PDCD4: variants seen among roughly 807,000 people sequenced by gnomAD.
PDCD4 encodes the protein programmed cell death protein 4.
PDCD4 carries 56 observed loss-of-function variants against 54.0 expected under a neutral mutation model. That is an observed-to-expected ratio of 1.04 (90% CI 0.84 to 1.30). The LOEUF (loss-of-function observed/expected upper bound fraction) is 1.30, where lower values mean the gene tolerates loss of function less well. PDCD4 is among the 50% of genes most tolerant of loss of function. PDCD4 has a pLI of 0.00. For missense variants in PDCD4, 584 were observed against 559.8 expected, an observed-to-expected ratio of 1.04 and a Z score of -0.44; for synonymous variants, 186 against 194.8, an observed-to-expected ratio of 0.95 and a Z score of 0.37.
chr10:110,897,911 G>GA, intron 11 of PDCD4, 117 bp from the exon 12 acceptor site: 1 of 541,008 alleles, frequency 1.8e-6, no homozygotes, highest in Non-Finnish European at 3.1e-6. Flanking sequence ...TTTTTTAATG[G>GA]AAAACCCTTT....
chr10:110,880,786 T>C (rs1845578498), intron 2 of PDCD4, among the ~76,000 whole-genome samples: 1 of 152,336 alleles, frequency 6.6e-6, no homozygotes, highest in African/African-American at 2.4e-5. Context: ...ATAGAGTGTC[T>C]AGCACAGTGC....
At chr10:110,886,280 A>C (rs1845668433) in intron 5 of PDCD4, among the ~76,000 whole-genome samples, 1 of 152,300 alleles carries the variant, frequency 6.6e-6, no homozygotes, top group Non-Finnish European at 1.5e-5. Flanking sequence ...GATCAATTGT[A>C]TACTATGTAT....
intron 2 of PDCD4, 21 bp from the exon 3 acceptor site, chr10:110,881,212 T>C: frequency 6.4e-7 from 1 of 1,573,436 alleles, no homozygotes; most frequent in Non-Finnish European, 8.7e-7. Flanking sequence ...TAGAATTTTT[T>C]TCTTCATTTT....
intron 1 of PDCD4, among the ~76,000 whole-genome samples, chr10:110,872,699 TTCG>T (rs1468094745): frequency 6.6e-6 from 1 of 152,326 alleles, no homozygotes; most frequent in South Asian, 2.1e-4. Context: ...CTGCGCGAAC[TTCG>T]TCGCGCCCGT....
rs1173257949 is a variant in PDCD4 at position 110,873,556 on chromosome 10, G to A, written c.-63+1538G>A. 4.6e-5 allele frequency among the ~76,000 whole-genome samples: 7 copies of A among 152,298 alleles called. No individual in the cohort carries two copies. In the East Asian group the frequency reaches 1.3e-3, roughly 29 times the overall value. On this transcript the variant is annotated intron_variant, in intron 1 of 11. Coordinates refer to ENST00000280154, the MANE Select transcript of PDCD4 (RefSeq NM_014456.5). ...GAGAAAAGAACAGTGTTTAATGTCA[G>A]CCTTCATTTTCTTCTAACTTGTATG...
intron 2 of PDCD4, among the ~76,000 whole-genome samples, chr10:110,876,952 A>G (rs573757745): frequency 3.3e-5 from 5 of 152,290 alleles, no homozygotes; most frequent in African/African-American, 9.6e-5. Flanking sequence ...TAAATACTAC[A>G]TCTTTCTTTC....
intron 3 of PDCD4, 44 bp downstream of exon 3, chr10:110,881,579 A>G: frequency 6.6e-7 from 1 of 1,520,004 alleles, no homozygotes; most frequent in Non-Finnish European, 8.9e-7. Context: ...AAACAAGTGG[A>G]AAAAAATTGT....
At chr10:110,883,648 C>T (rs952102173) in intron 4 of PDCD4, among the ~76,000 whole-genome samples, 2 of 151,914 alleles carry the variant, frequency 1.3e-5, no homozygotes, top group African/African-American at 4.8e-5. Flanking sequence ...TGTTTAATTC[C>T]ATTTACTCTC....
chr10:110,873,745 T>C (rs1845459231), intron 1 of PDCD4, among the ~76,000 whole-genome samples: 1 of 152,228 alleles, frequency 6.6e-6, no homozygotes, highest in Non-Finnish European at 1.5e-5. Context: ...ACATGTCTTA[T>C]CTAAACTCTT....
rs41292604 is a variant in PDCD4, at chr10:110,894,511, C to A, written c.1198C>A (p.Gln400Lys). 5.1e-6 allele frequency: 7 copies of A among 1,386,022 alleles called. No individual in the cohort carries two copies. The highest frequency in any genetic ancestry group is 6.1e-6 in the Non-Finnish European group (6 of 978,252). The allele number at this position is 1,386,022 out of a possible 1,614,324, so 85.9% of individuals were successfully genotyped here. The change falls in exon 10 of 12, where the codon CAA becomes AAA. Residue 400 changes from glutamine to lysine, a missense_variant. Coordinates refer to ENST00000280154, the MANE Select transcript of PDCD4 (RefSeq NM_014456.5). ...GAAGTCTTCTACCATTACTGTAGAC[C>A]AAATGAAAAGAGTAAGTATAACATT... ...LWKSSTITVD[Q>K]MKRGYERIYN...
Position 110,882,118 on chromosome 10 carries a change from G to A in PDCD4, c.346+583G>A, listed in dbSNP as rs959794533. On this transcript the variant is annotated intron_variant, in intron 3 of 11. Transcript: ENST00000280154. ...GATTTCATCACCTTCTGAATGGTGG[G>A]AACTTCAATTTATAGCCTAGGTTTC... Among the ~76,000 whole-genome samples the A allele has an allele frequency of 7.2e-5, 11 of 152,156 alleles. 1 individual carries two copies. The highest frequency in any genetic ancestry group is 6.5e-4 in the Admixed American group (10 of 15,276).
intron 1 of PDCD4, among the ~76,000 whole-genome samples, chr10:110,872,531 C>T (rs896751615): frequency 6.6e-6 from 1 of 152,204 alleles, no homozygotes; most frequent in South Asian, 2.1e-4. Context: ...CGGCCTCGGC[C>T]CCGGCCCAGC....
intron 8 of PDCD4, among the ~76,000 whole-genome samples, chr10:110,891,617 A>G (rs1845758448): frequency 6.6e-6 from 1 of 152,082 alleles, no homozygotes; most frequent in Non-Finnish European, 1.5e-5. Context: ...TAATCTTTTC[A>G]TGTAACTACA....
In PDCD4 at chr10:110,894,216, T is replaced by G; in HGVS notation, c.1098+18T>G. On this transcript the variant is annotated intron_variant, in intron 9 of 11. Coordinates refer to ENST00000280154, the MANE Select transcript of PDCD4 (RefSeq NM_014456.5). ...TATATGAAGTAAGATTACCTTGCCA[T>G]GTCAAAGATAATTATTAAGTGTTCC... 7.4e-7 allele frequency: 1 copy of G among 1,342,448 alleles called. No individual in the cohort carries two copies. The highest frequency in any genetic ancestry group is 1.1e-6 in the Non-Finnish European group (1 of 932,954). The allele number at this position is 1,342,448 out of a possible 1,614,324, so 83.2% of individuals were successfully genotyped here. A position where few individuals can be genotyped will look rare whatever the true frequency, so the allele number is the denominator to read the frequency against.
chr10:110,887,682 A>G lies in PDCD4; in HGVS notation c.573A>G (p.Leu191=), dbSNP rs1396521321. The stretch of plus-strand genomic sequence containing the variant: ...TTGAACAGGAAATGTTAAGAGATTT[A>G]AATCTTGGTGAAATGAAAAGTGGAG... ...TNEVAEMLRD[L]NLGEMKSGVP... is the part of the protein sequence containing the mutation. Residue 191 remains leucine (L), a synonymous_variant, in exon 6 of 12, where the codon TTA becomes TTG. Transcript: ENST00000280154. 3 of 1,610,490 alleles carry G rather than the reference A, an allele frequency of 1.9e-6. No homozygotes were observed. Among genetic ancestry groups the G allele is most frequent in the Non-Finnish European group, 2.5e-6 (3 of 1,177,030 alleles).
rs146211346 is a variant in PDCD4, at chr10:110,898,357, T to G, written c.*269T>G. On this transcript the variant is annotated 3_prime_UTR_variant, in exon 12 of 12. Transcript: ENST00000280154. ...AAGCTACCTTTTGTAAGTGCCATGT[T>G]TATTATCTAATCATTCCAAGTTTTG... 448 of 267,746 alleles carry G rather than the reference T, an allele frequency of 1.7e-3. 1 individual carries two copies. The highest frequency in any genetic ancestry group is 6.5e-3 in the Middle Eastern group (6 of 930). The allele number at this position is 267,746 out of a possible 1,614,324, so 16.6% of individuals were successfully genotyped here.
rs1022370581 is a variant in PDCD4 at position 110,881,423 on chromosome 10, C to G, written c.234C>G (p.Ser78Arg). ...SRDSGRGDSV[S>R]DSGSDALRSG... is the part of the protein sequence containing the mutation. The stretch of plus-strand genomic sequence containing the variant: ...ACTCTGGCAGAGGCGATTCGGTCAG[C>G]GACAGTGGGAGTGACGCCCTTAGAA... Residue 78 changes from serine to arginine, a missense_variant, in exon 3 of 12, where the codon AGC becomes AGG. By Grantham distance (110) the Ser-to-Arg change is moderately radical (BLOSUM62 -1). Transcript: ENST00000280154. 1 of 1,614,158 alleles carries G rather than the reference C, an allele frequency of 6.2e-7. No homozygotes were observed. Among genetic ancestry groups the G allele is most frequent in the East Asian group, 2.2e-5 (1 of 44,880 alleles).
chr10:110,894,160 C>G lies in PDCD4; in HGVS notation c.1060C>G (p.Leu354Val). 4 of 1,605,716 alleles carry G rather than the reference C, an allele frequency of 2.5e-6. No individual in the cohort carries two copies. Among genetic ancestry groups the G allele is most frequent in the Non-Finnish European group, 3.4e-6 (4 of 1,172,642 alleles). Residue 354 changes from leucine (L) to valine (V), a missense_variant, in exon 9 of 12, where the codon CTG (leucine) becomes GTG (valine). Leu to Val is a conservative substitution (Grantham distance 32). Coordinates refer to ENST00000280154, the MANE Select transcript of PDCD4 (RefSeq NM_014456.5). ...ISEAEHCLKE[L>V]EVPHFHHELV... is the part of the protein sequence containing the mutation. ...TGAAGCTGAACATTGCCTTAAGGAA[C>G]TGGAAGTACCTCATTTTCACCATGA...
chr10:110,881,367 A>G lies in PDCD4; in HGVS notation c.178A>G (p.Lys60Glu). ...INEARINAKAKRRLRKNSSRD... is the reference protein window; with the variant it reads ...INEARINAKAERRLRKNSSRD... ...CGAAGCTAGAATTAATGCCAAGGCA[A>G]AAAGGCGACTAAGGAAAAACTCATC... is the stretch of plus-strand genomic sequence containing the variant. Residue 60 changes from lysine to glutamate, a missense_variant, in exon 3 of 12, where the codon AAA becomes GAA. Physicochemically the swap from Lys to Glu is moderately conservative, Grantham distance 56 (BLOSUM62 1). Transcript: ENST00000280154. 2 of 1,614,192 alleles carry G rather than the reference A, an allele frequency of 1.2e-6. No individual in the cohort carries two copies. The highest frequency in any genetic ancestry group is 1.1e-5 in the South Asian group (1 of 91,084).
Sources: gnomAD v4.1 joint callset for allele counts (sites outside exome capture counted in the v4.1 genomes callset) on GRCh38, gnomAD v4.1.1 for gene constraint, MANE v1.5 for transcripts, NCBI Gene and HGNC (gene_info 2026-07-23, HGNC 2026-07-21) for gene names.